LRP2: variants seen among roughly 807,000 people sequenced by gnomAD.
The protein encoded by LRP2 is LDL receptor related protein 2.
In LRP2, 172 loss-of-function variants were observed where a neutral mutation model predicts 531.0. That is an observed-to-expected ratio of 0.32 (90% CI 0.29 to 0.37). LRP2 has a LOEUF of 0.37. LRP2 is among the 10% of genes least tolerant of loss of function. LRP2 has a pLI of 1.00. For missense variants in LRP2, 5,167 were observed against 5,868.3 expected, an observed-to-expected ratio of 0.88 and a Z score of 3.90; for synonymous variants, 1,992 against 2,027.6, an observed-to-expected ratio of 0.98 and a Z score of 0.47.
intron 4 of LRP2, among the ~76,000 whole-genome samples, chr2:169,298,191 GC>G (rs1240002943): frequency 4.6e-5 from 5 of 109,168 alleles, no homozygotes; most frequent in African/African-American, 1.5e-4. Flanking sequence ...AGTTAAACAA[GC>G]AATCATCATC....
intron 44 of LRP2, 84 bp downstream of exon 44, chr2:169,201,544 G>T: frequency 2.5e-6 from 4 of 1,571,868 alleles, no homozygotes; most frequent in Non-Finnish European, 3.5e-6. Flanking sequence ...TTTTTGGAAA[G>T]CCTTTTTTTT....
intron 9 of LRP2, among the ~76,000 whole-genome samples, chr2:169,287,092 C>T (rs1438737002): frequency 6.6e-6 from 1 of 152,126 alleles, no homozygotes; most frequent in Non-Finnish European, 1.5e-5. Context: ...TGCCTGAAAT[C>T]CAGGCAGGGC....
At chr2:169,183,046 A>G (rs909727792) in intron 50 of LRP2, among the ~76,000 whole-genome samples, 1 of 152,182 alleles carries the variant, frequency 6.6e-6, no homozygotes, top group Non-Finnish European at 1.5e-5. Flanking sequence ...TACTTTCTAA[A>G]GGGGCCCAGG....
intron 68 of LRP2, among the ~76,000 whole-genome samples, chr2:169,148,458 C>T (rs1412948948): frequency 1.3e-5 from 2 of 152,016 alleles, no homozygotes; most frequent in African/African-American, 4.8e-5. Flanking sequence ...ACCATACATA[C>T]CATATGTGAA....
intron 13 of LRP2, 179 bp from the exon 14 acceptor site, chr2:169,275,417 G>A (rs1439008820): frequency 1.7e-6 from 1 of 600,338 alleles, no homozygotes; most frequent in East Asian, 2.9e-5. Context: ...ATGATAGAAG[G>A]ATTTTCATGT....
At position 169,247,785 on chromosome 2, in the gene LRP2, T is replaced by A. The variant is rs831044; in HGVS notation, c.2771-270A>T. ...GGCATTTAGTAGCAATTGGATTTAGTTCTGCATAGGTAATAGTGAAAATAA... is the reference window on the plus strand; with the variant it reads ...GGCATTTAGTAGCAATTGGATTTAGATCTGCATAGGTAATAGTGAAAATAA... On this transcript the variant is annotated intron_variant, in intron 19 of 78. Transcript: ENST00000649046. Among the ~76,000 whole-genome samples the A allele has an allele frequency of 0.41, 61,887 of 151,960 alleles. 12,901 individuals are homozygous for A. The highest frequency in any genetic ancestry group is 0.69 in the South Asian group (3,309 of 4,804).
chr2:169,226,293 T>C (rs747429619), intron 32 of LRP2, 129 bp downstream of exon 32: 1 of 747,496 alleles, frequency 1.3e-6, no homozygotes. Flanking sequence ...TCAAAAAACT[T>C]AGGGATAAAT....
chr2:169,255,731 A>G (rs1690278226), intron 19 of LRP2, among the ~76,000 whole-genome samples: 3 of 152,174 alleles, frequency 2.0e-5, no homozygotes, highest in South Asian at 4.1e-4. Context: ...AAATGCTACA[A>G]TGATTACTAT....
At chr2:169,205,450 C>A (rs1184979920) in intron 41 of LRP2, 29 bp downstream of exon 41, 13 of 1,613,424 alleles carry the variant, frequency 8.1e-6, no homozygotes, top group Non-Finnish European at 1.1e-5. Flanking sequence ...CTCTTCTTAA[C>A]ACCCACATGA....
intron 1 of LRP2, among the ~76,000 whole-genome samples, chr2:169,333,593 C>T (rs1337099725): frequency 2.6e-5 from 4 of 152,100 alleles, no homozygotes; most frequent in African/African-American, 7.2e-5. Flanking sequence ...GTTTTATAAG[C>T]AATTTGCTAA....
chr2:169,248,768 G>C (rs1449910556), intron 19 of LRP2, among the ~76,000 whole-genome samples: 2 of 132,314 alleles, frequency 1.5e-5, no homozygotes, highest in Admixed American at 1.5e-4. Context: ...GCGCAGGCCA[G>C]TGTGTGTGCG....
At chr2:169,354,687 G>A (rs1197262693) in intron 1 of LRP2, among the ~76,000 whole-genome samples, 1 of 152,284 alleles carries the variant, frequency 6.6e-6, no homozygotes, top group Non-Finnish European at 1.5e-5. Context: ...AATGTGATTA[G>A]AGATAAGACT....
intron 3 of LRP2, among the ~76,000 whole-genome samples, chr2:169,314,978 G>A (rs1425681617): frequency 6.6e-6 from 1 of 152,158 alleles, no homozygotes; most frequent in Non-Finnish European, 1.5e-5. Flanking sequence ...ACCTGGGTCA[G>A]GTATCAGTGC....
intron 16 of LRP2, among the ~76,000 whole-genome samples, chr2:169,267,814 G>A (rs1440968868): frequency 1.3e-5 from 2 of 152,078 alleles, no homozygotes; most frequent in African/African-American, 4.8e-5. Flanking sequence ...AATGAATCCA[G>A]GAGCTGGTTT....
chr2:169,238,064 G>T, intron 27 of LRP2, 27 bp downstream of exon 27: 9 of 1,600,336 alleles, frequency 5.6e-6, no homozygotes, highest in Non-Finnish European at 6.0e-6. Flanking sequence ...AACTAGCCAG[G>T]CCAAAGGTCA....
chr2:169,272,852 A>G, intron 15 of LRP2, 75 bp downstream of exon 15: 1 of 1,579,426 alleles, frequency 6.3e-7, no homozygotes, highest in Non-Finnish European at 8.7e-7. Flanking sequence ...CAAGAGTAGC[A>G]GTTAGTCTAG....
chr2:169,216,401 T>C lies in LRP2; in HGVS notation c.5678A>G (p.Asp1893Gly). ...GGCGATCTTGGCAGGAACCCCACTGTCAGTTCCTTGGTCTGACCAGTACAG... is the reference window on the plus strand; with the variant it reads ...GGCGATCTTGGCAGGAACCCCACTGCCAGTTCCTTGGTCTGACCAGTACAG... ...GKLYWSDQGT[D>G]SGVPAKIASA... The change falls in exon 35 of 79, where the codon GAC becomes GGC. Residue 1893 changes from aspartate to glycine, a missense_variant. Physicochemically the swap from Asp to Gly is moderately conservative, Grantham distance 94. Around this residue, in one of 6 missense-constraint regions of LRP2, gnomAD observed 2,811 missense variants for 3,058.0 expected, o/e 0.92. Transcript: ENST00000649046. 6.2e-7 allele frequency: 1 copy of C among 1,613,598 alleles called. No homozygotes were observed. Among genetic ancestry groups the C allele is most frequent in the South Asian group, 1.1e-5 (1 of 91,074 alleles).
rs1688615189 is a variant in LRP2, at chr2:169,212,107, A to G, written c.6141T>C (p.Thr2047=). The part of the protein sequence containing the change: ...PGGLFSCACA[T]GFKLNPDNRS... Reference sequence around the variant, plus strand: ...GATTATCAGGATTGAGTTTAAATCCAGTGGCACAGGCGCAGGAAAACAATC... The same window carrying G: ...GATTATCAGGATTGAGTTTAAATCCGGTGGCACAGGCGCAGGAAAACAATC... The change falls in exon 37 of 79, where the codon ACT becomes ACC. Residue 2047 remains threonine, a synonymous_variant. Transcript: ENST00000649046. 1 of 1,614,118 alleles carries G rather than the reference A, an allele frequency of 6.2e-7. No individual in the cohort carries two copies. The highest frequency in any genetic ancestry group is 1.1e-5 in the South Asian group (1 of 91,084).
In LRP2 at chr2:169,204,094, T is replaced by A; in HGVS notation, c.7893A>T (p.Thr2631=). 6.2e-7 allele frequency: 1 copy of A among 1,614,184 alleles called. No homozygotes were observed. The highest frequency in any genetic ancestry group is 1.1e-5 in the South Asian group (1 of 91,084). The change falls in exon 42 of 79, where the codon ACA becomes ACT. Residue 2631 remains threonine, a synonymous_variant. Coordinates refer to ENST00000649046, the MANE Select transcript of LRP2 (RefSeq NM_004525.3). The stretch of plus-strand genomic sequence containing the variant: ...TTCCCCTGGGCTGGGAGAGCAAATT[T>A]GTGGTCATTGCAATCTGACCTGACC... The part of the protein sequence containing the change: ...YDGSGQIAMT[T]NLLSQPRGIN...
Sources: gnomAD v4.1 joint callset for allele counts (sites outside exome capture counted in the v4.1 genomes callset) on GRCh38, gnomAD v4.1.1 for gene constraint, gnomAD v4.1.1 regional missense constraint, MANE v1.5 for transcripts, NCBI Gene and HGNC (gene_info 2026-07-23, HGNC 2026-07-21) for gene names.